Variants in DPPA4 observed in about 807,000 individuals in gnomAD.
The protein encoded by DPPA4 is developmental pluripotency associated 4.
In DPPA4, 22 loss-of-function variants were observed where a neutral mutation model predicts 33.7. That is an observed-to-expected ratio of 0.65 (90% CI 0.47 to 0.93). DPPA4 has a LOEUF of 0.93. Among genes scored for constraint, DPPA4 ranks in the 40% least tolerant of loss-of-function variants. The probability of loss-of-function intolerance (pLI) is 0.00; values close to 1 mark genes in which losing one functional copy is unlikely to be tolerated. For missense variants in DPPA4, 340 were observed against 358.6 expected (o/e 0.95, Z 0.42); for synonymous variants, 156 against 132.3 (o/e 1.18, Z -1.23).
At chr3:109,336,215 G>T (rs531922418) in intron 1 of DPPA4, 19 of 151,888 alleles carry the variant, frequency 1.3e-4, no homozygotes, top group Middle Eastern at 3.4e-3. Flanking sequence ...TTTCAGGGTG[G>T]ATTACTGGAC....
Position 109,330,436 on chromosome 3 carries a change from T to A in DPPA4, c.679+88A>T, listed in dbSNP as rs776367916. 5.3e-6 allele frequency: 8 copies of A among 1,514,756 alleles called. No homozygotes were observed. The East Asian group carries it at 1.8e-4, about 34-fold the overall frequency. 93.8% of individuals were successfully genotyped at this position (1,514,756 alleles called of 1,614,324 possible). On this transcript the variant is annotated intron_variant, in intron 5 of 6. Transcript: ENST00000335658. ...GGAATCACCGGCCCTCAAAGGGATT[T>A]TGATATACCCTAAAATGTACCAGTG...
intron 5 of DPPA4, chr3:109,330,221 G>C: frequency 2.9e-6 from 1 of 348,574 alleles, no homozygotes; most frequent in South Asian, 2.5e-5. Flanking sequence ...AGAATTGCTT[G>C]AACCTGGGAG....
At chr3:109,337,103 T>C (rs1708230392) in intron 1 of DPPA4, among the ~76,000 whole-genome samples, 1 of 151,908 alleles carries the variant, frequency 6.6e-6, no homozygotes, top group Admixed American at 6.6e-5. Flanking sequence ...TTTCTCCATT[T>C]TGGTCAGGCT....
chr3:109,331,559 A>G (rs1708078943), intron 4 of DPPA4, among the ~76,000 whole-genome samples, 175 bp downstream of exon 4: 1 of 147,884 alleles, frequency 6.8e-6, no homozygotes, highest in Admixed American at 6.8e-5. Context: ...AAAAAAAAAA[A>G]AAAAAAAAGA....
At chr3:109,336,676 A>G (rs1234175520) in intron 1 of DPPA4, among the ~76,000 whole-genome samples, 1 of 151,964 alleles carries the variant, frequency 6.6e-6, no homozygotes, top group Non-Finnish European at 1.5e-5. Context: ...TAGCCCCCAT[A>G]TTCAGTTAGT....
At chr3:109,329,379 C>T (rs977662600) in intron 5 of DPPA4, 1 of 239,004 alleles carries the variant, frequency 4.2e-6, no homozygotes, top group South Asian at 5.5e-5. Flanking sequence ...ACTAAAAATA[C>T]AAAAAATTAG....
At chr3:109,337,398 G>A in intron 1 of DPPA4, 66 bp downstream of exon 1, 1 of 1,445,630 alleles carries the variant, frequency 6.9e-7, no homozygotes, top group Admixed American at 1.7e-5. Flanking sequence ...GGAAAAATCA[G>A]GAGTGCCCAG....
rs150170602 is a variant in DPPA4 at position 109,333,953 on chromosome 3, G to A, written c.95C>T (p.Ala32Val). 1.9e-6 allele frequency: 3 copies of A among 1,614,104 alleles called. No homozygotes were observed. Among genetic ancestry groups the A allele is most frequent in the Non-Finnish European group, 1.7e-6 (2 of 1,180,016 alleles). ...AGCAATTGAATTTGGTTGATTAGAA[G>A]CCTGCTGATCCTCTTCCCTCGACTT... ...TEKSREEDQQ[A>V]SNQPNSIALP... The change falls in exon 2 of 7, where the codon GCT (alanine) becomes GTT (valine). Residue 32 changes from alanine to valine, a missense_variant. Transcript: ENST00000335658.
intron 4 of DPPA4, 25 bp downstream of exon 4, chr3:109,331,709 A>G (rs1176351738): frequency 6.2e-7 from 1 of 1,611,816 alleles, no homozygotes; most frequent in Non-Finnish European, 8.5e-7. Context: ...ATAAGCATTG[A>G]AACGTCCATC....
At chr3:109,333,786 T>A (rs1315229120) in intron 2 of DPPA4, 84 bp downstream of exon 2, 1 of 1,509,282 alleles carries the variant, frequency 6.6e-7, no homozygotes, top group African/African-American at 1.4e-5. Flanking sequence ...TGGAAATTTC[T>A]TCCCTGGTTT....
intron 5 of DPPA4, 123 bp downstream of exon 5, chr3:109,330,401 G>C (rs1438858660): frequency 9.4e-7 from 1 of 1,063,310 alleles, no homozygotes; most frequent in Non-Finnish European, 1.4e-6. Context: ...AACTCTGTGG[G>C]CAGGGTCCAG....
chr3:109,326,642 T>A lies in DPPA4; in HGVS notation c.*1346A>T, dbSNP rs1707941400. On this transcript the variant is annotated 3_prime_UTR_variant, in exon 7 of 7. Transcript: ENST00000335658. ...AACAATGTTGGAAACTGTCATTAAA[T>A]CAGGATAAGTGAAAAACAGATCTGT... 6.6e-6 allele frequency: 1 copy of A among 152,110 alleles called. No individual in the cohort carries two copies. The highest frequency in any genetic ancestry group is 1.5e-5 in the Non-Finnish European group (1 of 68,036). 9.4% of individuals were successfully genotyped at this position (152,110 alleles called of 1,614,324 possible). A position where few individuals can be genotyped will look rare whatever the true frequency, so the allele number is the denominator to read the frequency against.
rs1392275717 is a variant in DPPA4, at chr3:109,327,902, A to C, written c.*86T>G. On this transcript the variant is annotated 3_prime_UTR_variant, in exon 7 of 7. Coordinates refer to ENST00000335658, the MANE Select transcript of DPPA4 (RefSeq NM_018189.4). Reference sequence around the variant, plus strand: ...CCCATAAACAGGTGCAGAGGACCAGAGTTCACCTGTCAGCAGCACCGCAGA... The same window carrying C: ...CCCATAAACAGGTGCAGAGGACCAGCGTTCACCTGTCAGCAGCACCGCAGA... The C allele has an allele frequency of 1.0e-6, 1 of 976,934 alleles. No homozygotes were observed. The highest frequency in any genetic ancestry group is 1.6e-5 in the African/African-American group (1 of 61,666). The allele number at this position is 976,934 out of a possible 1,614,324, so 60.5% of individuals were successfully genotyped here.
At chr3:109,328,078 T>C (rs968584327) in intron 6 of DPPA4, 54 bp from the exon 7 acceptor site, 93 of 1,196,110 alleles carry the variant, frequency 7.8e-5, no homozygotes, top group Non-Finnish European at 1.1e-4. Flanking sequence ...ATATTAAAAA[T>C]AGCCAAGAAA....
At chr3:109,329,225 T>C in intron 5 of DPPA4, 137 bp from the exon 6 acceptor site, 1 of 741,366 alleles carries the variant, frequency 1.3e-6, no homozygotes, top group South Asian at 1.8e-5. Flanking sequence ...ACCTCTTCTC[T>C]ATTCTGTTCT....
chr3:109,332,103 A>C, intron 2 of DPPA4, 72 bp from the exon 3 acceptor site: 3 of 1,384,126 alleles, frequency 2.2e-6, no homozygotes, highest in Non-Finnish European at 9.8e-7. Flanking sequence ...AAGTAAAATC[A>C]CTTTTTTTTT....
In DPPA4 at chr3:109,328,033, C is replaced by G. The variant is rs778028565; in HGVS notation, c.879-9G>C. On this transcript the variant is annotated splice_polypyrimidine_tract_variant and intron_variant, in intron 6 of 6. Transcript: ENST00000335658. ...TTATTAAGACCTTGTTCCTATAAAGCAAATAAAGTATTTGTTTTTAAAAAG... is the reference window on the plus strand; with the variant it reads ...TTATTAAGACCTTGTTCCTATAAAGGAAATAAAGTATTTGTTTTTAAAAAG... The G allele has an allele frequency of 2.0e-6, 3 of 1,472,600 alleles. No individual in the cohort carries two copies. The highest frequency in any genetic ancestry group is 2.8e-6 in the Non-Finnish European group (3 of 1,055,410). 91.2% of individuals were successfully genotyped at this position (1,472,600 alleles called of 1,614,324 possible).
In DPPA4 at chr3:109,328,929, T is replaced by C; in HGVS notation, c.839A>G (p.His280Arg). 1 of 1,614,020 alleles carries C rather than the reference T, an allele frequency of 6.2e-7. No homozygotes were observed. The highest frequency in any genetic ancestry group is 2.2e-5 in the East Asian group (1 of 44,866). The change falls in exon 6 of 7, where the codon CAC becomes CGC. Residue 280 changes from histidine (H) to arginine (R), a missense_variant. Around this residue, in one of 3 missense-constraint regions of DPPA4, gnomAD observed 212 missense variants for 206.5 expected, o/e 1.03. Coordinates refer to ENST00000335658, the MANE Select transcript of DPPA4 (RefSeq NM_018189.4). The part of the protein sequence containing the change: ...LLPASNFPPP[H>R]LEDNMLCPKC... ...GGGGCACAACATATTGTCTTCAAGGTGCGGGGGTGGAAAATTGGAGGCAGG... is the reference window on the plus strand; with the variant it reads ...GGGGCACAACATATTGTCTTCAAGGCGCGGGGGTGGAAAATTGGAGGCAGG...
chr3:109,338,633 G>C (rs144234244), upstream of DPPA4, among the ~76,000 whole-genome samples: 1,107 of 152,180 alleles, frequency 7.3e-3, 10 homozygotes, highest in African/African-American at 0.025. Context: ...TCACAGGCTA[G>C]AAATCCACGG....
Sources: gnomAD v4.1 joint callset for allele counts (sites outside exome capture counted in the v4.1 genomes callset) on GRCh38, gnomAD v4.1.1 for gene constraint, gnomAD v4.1.1 regional missense constraint, MANE v1.5 for transcripts, NCBI Gene and HGNC (gene_info 2026-07-23, HGNC 2026-07-21) for gene names.